Variants in OSGIN1 observed in about 807,000 individuals in gnomAD.
OSGIN1 encodes oxidative stress induced growth inhibitor 1.
In OSGIN1, 19 loss-of-function variants were observed where a neutral mutation model predicts 20.1. That is an observed-to-expected ratio of 0.95 (90% CI 0.66 to 1.39). The LOEUF (loss-of-function observed/expected upper bound fraction) is 1.39, where lower values mean the gene tolerates loss of function less well. Ranked by LOEUF, OSGIN1 falls within the 40% of genes most tolerant of loss-of-function variation. OSGIN1 has a pLI of 0.00. For missense variants in OSGIN1, 820 were observed against 653.0 expected (o/e 1.26, Z -2.79); for synonymous variants, 368 against 297.8 (o/e 1.24, Z -2.43).
intron 1 of OSGIN1, chr16:83,954,761 A>G (rs898843244): frequency 1.0e-6 from 1 of 984,744 alleles, no homozygotes; most frequent in Admixed American, 6.1e-5. Context: ...CTGGTGGTAA[A>G]CCAGTGTCCT....
At chr16:83,961,915 A>T (rs760903806) in intron 5 of OSGIN1, among the ~76,000 whole-genome samples, 32 of 151,406 alleles carry the variant, frequency 2.1e-4, no homozygotes, top group Non-Finnish European at 3.8e-4. Context: ...AGCCTGGCCT[A>T]GAACAATCTT....
rs1318444566 is a variant in OSGIN1, at chr16:83,961,082, C to G, written c.488+10C>G. On this transcript the variant is annotated intron_variant, in intron 5 of 5. Transcript: ENST00000393306. ...TGCAGAAGAAGCGAAGGTGAGGCCG[C>G]CCCGGAACGCCTTGGGGGACACGGA... 1.2e-6 allele frequency: 2 copies of G among 1,607,230 alleles called. No homozygotes were observed. Among genetic ancestry groups the G allele is most frequent in the Admixed American group, 1.7e-5 (1 of 59,988 alleles).
In OSGIN1 at chr16:83,965,464, G is replaced by A. The variant is rs201163558; in HGVS notation, c.891G>A (p.Ala297=). 1.5e-5 allele frequency: 24 copies of A among 1,602,792 alleles called. No individual in the cohort carries two copies. The African/African-American group carries it at 2.1e-4, about 14-fold the overall frequency. Residue 297 remains alanine, a synonymous_variant, in exon 6 of 6, where the codon GCG becomes GCA. Transcript: ENST00000393306. ...PVLIIGAGLS[A]ADAVLYARHY... is the part of the protein sequence containing the mutation. ...TCATCATTGGCGCGGGGCTGTCAGC[G>A]GCCGACGCGGTCCTCTACGCCCGCC... is the stretch of plus-strand genomic sequence containing the variant.
chr16:83,959,213 C>G, intron 2 of OSGIN1, 47 bp from the exon 3 acceptor site: 1 of 1,487,836 alleles, frequency 6.7e-7, no homozygotes, highest in Non-Finnish European at 9.4e-7. Context: ...AGTAGTGTCC[C>G]CCACCTGAAA....
intron 5 of OSGIN1, among the ~76,000 whole-genome samples, chr16:83,962,641 G>T (rs1367065247): frequency 6.6e-6 from 1 of 152,196 alleles, no homozygotes; most frequent in Admixed American, 6.5e-5. Flanking sequence ...GCACAGCCTG[G>T]CTGTATACGT....
intron 5 of OSGIN1, among the ~76,000 whole-genome samples, chr16:83,962,471 G>T (rs1195382009): frequency 2.6e-5 from 4 of 152,180 alleles, no homozygotes; most frequent in African/African-American, 9.7e-5. Flanking sequence ...TCGATCTCCT[G>T]ATCTCGTGAT....
In OSGIN1 at chr16:83,959,297, C is replaced by T. The variant is rs146004735; in HGVS notation, c.105C>T (p.Leu35=). ...CTGGTATCTGCCTGTCCTACCTGCT[C>T]TCCGGCTACACACCCTACACGAAGC... The part of the protein sequence containing the change: ...GPSGICLSYL[L]SGYTPYTKPD... The change falls in exon 3 of 6, where the codon CTC becomes CTT. Residue 35 remains leucine, a synonymous_variant. Transcript: ENST00000393306. The T allele has an allele frequency of 3.1e-6, 5 of 1,613,702 alleles. No individual in the cohort carries two copies. The African/African-American group carries it at 4.0e-5, about 13-fold the overall frequency.
At chr16:83,962,790 T>C (rs756064903) in intron 5 of OSGIN1, among the ~76,000 whole-genome samples, 1 of 152,210 alleles carries the variant, frequency 6.6e-6, no homozygotes, top group African/African-American at 2.4e-5. Flanking sequence ...TCGAGTTTCT[T>C]ATAAGCCTTT....
rs552099252 is a variant in OSGIN1, at chr16:83,966,116, C to T, written c.*109C>T. 54 of 897,206 alleles carry T rather than the reference C, an allele frequency of 6.0e-5. No individual in the cohort carries two copies. Among genetic ancestry groups the T allele is most frequent in the African/African-American group, 5.2e-4 (31 of 59,576 alleles). 55.6% of individuals were successfully genotyped at this position (897,206 alleles called of 1,614,324 possible). A position where few individuals can be genotyped will look rare whatever the true frequency, so the allele number is the denominator to read the frequency against. On this transcript the variant is annotated 3_prime_UTR_variant, in exon 6 of 6. Transcript: ENST00000393306. Reference sequence around the variant, plus strand: ...TGCCCCGGGGAGGGGTGTCAGCCCACGTTGCTGGCCTTTGGGGTCAAGAGG... The same window carrying T: ...TGCCCCGGGGAGGGGTGTCAGCCCATGTTGCTGGCCTTTGGGGTCAAGAGG...
chr16:83,958,750 C>A (rs34502843), intron 2 of OSGIN1, among the ~76,000 whole-genome samples: 1 of 152,234 alleles, frequency 6.6e-6, no homozygotes, highest in Non-Finnish European at 1.5e-5. Context: ...CTCAGCACCC[C>A]TGAGCGCCCA....
At position 83,956,704 on chromosome 16, in the gene OSGIN1, AG is replaced by A. The variant is rs753031021; in HGVS notation, c.-32-935del. ...TCAGCGTGAGGCGGATATGAGAAAA[AG>A]CATGTCAAATACCCGGTACACAGTA... is the stretch of plus-strand genomic sequence containing the variant. On this transcript the variant is annotated intron_variant, in intron 1 of 5. Transcript: ENST00000393306. Among the ~76,000 whole-genome samples, 273 of 152,322 alleles carry A rather than the reference AG, an allele frequency of 1.8e-3. 1 individual carries two copies. Among genetic ancestry groups the A allele is most frequent in the Non-Finnish European group, 9.4e-4 (64 of 68,020 alleles).
chr16:83,959,110 T>G, intron 2 of OSGIN1, 150 bp from the exon 3 acceptor site: 1 of 599,920 alleles, frequency 1.7e-6, no homozygotes, highest in African/African-American at 1.9e-5. Flanking sequence ...TTAGGCACAG[T>G]GTCTGGCACA....
chr16:83,965,396 G>A lies in OSGIN1; in HGVS notation c.823G>A (p.Ala275Thr), dbSNP rs776224973. ...IHHELSALEAATRVGAVTPAS... is the reference protein window; with the variant it reads ...IHHELSALEATTRVGAVTPAS... Reference sequence around the variant, plus strand: ...CCATGAGCTGTCTGCCCTGGAGGCCGCCACAAGGGTGGGTGCGGTGACCCC... The same window carrying A: ...CCATGAGCTGTCTGCCCTGGAGGCCACCACAAGGGTGGGTGCGGTGACCCC... The change falls in exon 6 of 6, where the codon GCC becomes ACC. Residue 275 changes from alanine to threonine, a missense_variant. Coordinates refer to ENST00000393306, the MANE Select transcript of OSGIN1 (RefSeq NM_182981.3). The A allele has an allele frequency of 1.9e-5, 30 of 1,574,198 alleles. No individual in the cohort carries two copies. Among genetic ancestry groups the A allele is most frequent in the Non-Finnish European group, 2.5e-5 (29 of 1,163,152 alleles).
intron 1 of OSGIN1, chr16:83,954,742 C>T: frequency 1.0e-6 from 1 of 984,850 alleles, no homozygotes; most frequent in Non-Finnish European, 1.2e-6. Flanking sequence ...GACTTGGAGC[C>T]CCAAAGCCCT....
intron 1 of OSGIN1, among the ~76,000 whole-genome samples, chr16:83,953,943 G>A (rs1567653672): frequency 1.3e-5 from 2 of 152,216 alleles, no homozygotes; most frequent in Non-Finnish European, 2.9e-5. Flanking sequence ...GCGAGGGCTC[G>A]TCTGTGATAA....
At chr16:83,957,783 C>T (rs780650349) in intron 2 of OSGIN1, 45 bp downstream of exon 2, 28 of 1,155,622 alleles carry the variant, frequency 2.4e-5, no homozygotes, top group African/African-American at 1.6e-4. Context: ...CTGAGCCTTC[C>T]GGGTACCCCC....
At chr16:83,953,809 T>C (rs1457692546) in intron 1 of OSGIN1, among the ~76,000 whole-genome samples, 1 of 152,144 alleles carries the variant, frequency 6.6e-6, no homozygotes, top group Non-Finnish European at 1.5e-5. Context: ...ACAGCCCCCA[T>C]CCCTGGAGGT....
intron 5 of OSGIN1, among the ~76,000 whole-genome samples, chr16:83,962,584 GAC>G (rs2084229206): frequency 6.6e-6 from 1 of 152,242 alleles, no homozygotes; most frequent in South Asian, 2.1e-4. Context: ...GCACAACCAT[GAC>G]ACAGCCTCAG....
chr16:83,958,099 A>G (rs998916008), intron 2 of OSGIN1, among the ~76,000 whole-genome samples: 2 of 151,878 alleles, frequency 1.3e-5, no homozygotes, highest in Admixed American at 1.3e-4. Flanking sequence ...CTGGTCTCGA[A>G]CTCCTGACCT....
Sources: gnomAD v4.1 joint callset for allele counts (sites outside exome capture counted in the v4.1 genomes callset) on GRCh38, gnomAD v4.1.1 for gene constraint, MANE v1.5 for transcripts, NCBI Gene and HGNC (gene_info 2026-07-23, HGNC 2026-07-21) for gene names.